Variants in GLG1 observed in about 807,000 individuals in gnomAD.
The protein encoded by GLG1 is Golgi apparatus protein 1.
In GLG1, 38 loss-of-function variants were observed where a neutral mutation model predicts 160.5. That is an observed-to-expected ratio of 0.24 (90% CI 0.18 to 0.31). The LOEUF is 0.31. Ranked by LOEUF, GLG1 falls within the 10% of genes least tolerant of loss-of-function variation. The probability of loss-of-function intolerance (pLI) is 1.00; values close to 1 mark genes in which losing one functional copy is unlikely to be tolerated. For synonymous variants in GLG1, 644 were observed against 543.4 expected, an observed-to-expected ratio of 1.19 and a Z score of -2.57; for missense variants, 1,373 against 1,505.2, an observed-to-expected ratio of 0.91 and a Z score of 1.45.
chr16:74,537,159 A>G (rs1252406798), intron 1 of GLG1, among the ~76,000 whole-genome samples: 1 of 152,220 alleles, frequency 6.6e-6, no homozygotes, highest in Non-Finnish European at 1.5e-5. Flanking sequence ...AAACTATTAT[A>G]AACAGAAGAA....
chr16:74,532,193 A>AAT (rs60422817), intron 1 of GLG1, 40 bp from the exon 2 acceptor site: 6 of 324,992 alleles, frequency 1.8e-5, no homozygotes, highest in African/African-American at 1.4e-4. Flanking sequence ...TAAAAAAAAA[A>AAT]ATATATATAT....
Position 74,508,201 on chromosome 16 carries a change from G to A in GLG1, c.558+638C>T, listed in dbSNP as rs142516691. On this transcript the variant is annotated intron_variant, in intron 3 of 25. Coordinates refer to ENST00000422840, the MANE Select transcript of GLG1 (RefSeq NM_001145667.2). ...CCAGCTTGAGGACAATTAGTATGGT[G>A]TGAGATCTATGACTGTTAATTCTGG... Among the ~76,000 whole-genome samples, 8 of 151,658 alleles carry A rather than the reference G, an allele frequency of 5.3e-5. No individual in the cohort carries two copies. The East Asian group carries it at 5.8e-4, about 11-fold the overall frequency.
intron 9 of GLG1, among the ~76,000 whole-genome samples, chr16:74,484,655 G>A (rs2015727127): frequency 6.6e-6 from 1 of 152,158 alleles, no homozygotes; most frequent in East Asian, 1.9e-4. Flanking sequence ...CAGCTACTCG[G>A]GAGGCTGAGC....
intron 1 of GLG1, among the ~76,000 whole-genome samples, chr16:74,534,915 G>C (rs1367236214): frequency 6.6e-6 from 1 of 152,084 alleles, no homozygotes; most frequent in Non-Finnish European, 1.5e-5. Flanking sequence ...ATATAATATA[G>C]GCCACTGACA....
At chr16:74,482,934 T>A in intron 10 of GLG1, 89 bp downstream of exon 10, 1 of 780,920 alleles carries the variant, frequency 1.3e-6, no homozygotes. Flanking sequence ...AAGAGTTTCC[T>A]ACTGATTATT....
At position 74,452,140 on chromosome 16, in the gene GLG1, T is replaced by A; in HGVS notation, c.*1027A>T. On this transcript the variant is annotated 3_prime_UTR_variant, in exon 26 of 26. Transcript: ENST00000422840. Reference sequence around the variant, plus strand: ...CTGACCTGTATTGTAGCCTGAAAAATAAAGCAAAGTGAGTCAAACCTCTGG... The same window carrying A: ...CTGACCTGTATTGTAGCCTGAAAAAAAAAGCAAAGTGAGTCAAACCTCTGG... 6.2e-7 allele frequency: 1 copy of A among 1,613,738 alleles called. No homozygotes were observed. Among genetic ancestry groups the A allele is most frequent in the Non-Finnish European group, 8.5e-7 (1 of 1,179,802 alleles).
intron 1 of GLG1, among the ~76,000 whole-genome samples, chr16:74,595,520 G>C (rs1415509799): frequency 6.6e-6 from 1 of 152,234 alleles, no homozygotes; most frequent in Non-Finnish European, 1.5e-5. Context: ...CTGGGCGACA[G>C]AGCAAGACTC....
Position 74,458,110 on chromosome 16 carries a change from G to A in GLG1, c.3145-116C>T, listed in dbSNP as rs570131099. The A allele has an allele frequency of 9.0e-5, 90 of 999,316 alleles. 1 individual carries two copies. The South Asian group carries it at 1.3e-3, about 14-fold the overall frequency. 61.9% of individuals were successfully genotyped at this position (999,316 alleles called of 1,614,324 possible). ...GGGGGGAAGTTGAGGGCTAACAACAGAGACCACTTTGGGACAGGTTGCAAG... is the reference window on the plus strand; with the variant it reads ...GGGGGGAAGTTGAGGGCTAACAACAAAGACCACTTTGGGACAGGTTGCAAG... On this transcript the variant is annotated intron_variant, in intron 23 of 25. Transcript: ENST00000422840.
chr16:74,495,262 C>T (rs1260543535), intron 5 of GLG1, among the ~76,000 whole-genome samples: 4 of 151,964 alleles, frequency 2.6e-5, no homozygotes, highest in African/African-American at 9.7e-5. Context: ...TACAGGCCCC[C>T]GCCACCCTGC....
chr16:74,475,130 C>G (rs2015350905), intron 12 of GLG1, among the ~76,000 whole-genome samples: 2 of 143,018 alleles, frequency 1.4e-5, no homozygotes, highest in Admixed American at 1.5e-4. Context: ...GCACTGCAGC[C>G]TGGGCAACAA....
chr16:74,506,382 T>C (rs1305515296), intron 3 of GLG1, among the ~76,000 whole-genome samples: 2 of 150,688 alleles, frequency 1.3e-5, no homozygotes, highest in Non-Finnish European at 3.0e-5. Flanking sequence ...ACTGAGACCA[T>C]CCTGGCTAAC....
intron 1 of GLG1, among the ~76,000 whole-genome samples, chr16:74,544,054 C>A (rs149634684): frequency 0.014 from 2,093 of 152,272 alleles, 33 homozygotes; most frequent in Non-Finnish European, 0.018. Context: ...AGAACAGATG[C>A]AGATCCTTTT....
chr16:74,451,885 A>G lies in GLG1; in HGVS notation c.*1282T>C. On this transcript the variant is annotated 3_prime_UTR_variant, in exon 26 of 26. Coordinates refer to ENST00000422840, the MANE Select transcript of GLG1 (RefSeq NM_001145667.2). ...TTCTGCAAAGGTTGATGAATCGCCA[A>G]AATACAACATTTAGCCAATGCCTAC... 1 of 596,060 alleles carries G rather than the reference A, an allele frequency of 1.7e-6. No homozygotes were observed. Among genetic ancestry groups the G allele is most frequent in the Non-Finnish European group, 3.0e-6 (1 of 330,164 alleles). 36.9% of individuals were successfully genotyped at this position (596,060 alleles called of 1,614,324 possible). A position where few individuals can be genotyped will look rare whatever the true frequency, so the allele number is the denominator to read the frequency against.
At chr16:74,597,538 G>A (rs1346296537) in intron 1 of GLG1, among the ~76,000 whole-genome samples, 1 of 151,298 alleles carries the variant, frequency 6.6e-6, no homozygotes, top group Non-Finnish European at 1.5e-5. Flanking sequence ...AGCCAACATG[G>A]CGAAATCCTG....
chr16:74,481,956 T>C (rs1170985115), intron 10 of GLG1, among the ~76,000 whole-genome samples: 1 of 152,060 alleles, frequency 6.6e-6, no homozygotes. Context: ...CCGGCTAATT[T>C]TTTTTGTATT....
intron 4 of GLG1, among the ~76,000 whole-genome samples, chr16:74,502,638 G>T (rs1410140935): frequency 6.6e-6 from 1 of 151,560 alleles, no homozygotes; most frequent in Admixed American, 6.6e-5. Flanking sequence ...CCACTTCCTG[G>T]GTTCATGCCT....
intron 1 of GLG1, among the ~76,000 whole-genome samples, chr16:74,600,237 G>C (rs894591872): frequency 1.6e-4 from 25 of 151,832 alleles, no homozygotes; most frequent in African/African-American, 5.3e-4. Context: ...GTATATTTCC[G>C]CTTAGAACAA....
chr16:74,503,617 C>T lies in GLG1; in HGVS notation c.688G>A (p.Asp230Asn). 6.2e-7 allele frequency: 1 copy of T among 1,613,668 alleles called. No individual in the cohort carries two copies. Among genetic ancestry groups the T allele is most frequent in the Non-Finnish European group, 8.5e-7 (1 of 1,179,588 alleles). ...ITKMTAIIFS[D>N]YRLICGFMDD... ...ATGAAGCCACAGATTAAACGGTAAT[C>T]ACTAAAAATGATGGCCGTCATCTTG... The change falls in exon 4 of 26, where the codon GAT becomes AAT. Residue 230 changes from aspartate (D) to asparagine (N), a missense_variant. Physicochemically the swap from Asp to Asn is conservative, Grantham distance 23 (BLOSUM62 1). Transcript: ENST00000422840.
intron 5 of GLG1, 48 bp from the exon 6 acceptor site, chr16:74,494,879 T>C (rs2016130116): frequency 2.2e-6 from 2 of 898,382 alleles, no homozygotes; most frequent in Non-Finnish European, 1.9e-6. Flanking sequence ...TAAATAGTTA[T>C]GCTGAACATT....
Sources: allele counts gnomAD v4.1 joint callset (sites outside exome capture counted in the v4.1 genomes callset), GRCh38; gene constraint gnomAD v4.1.1; transcripts MANE v1.5; gene names NCBI Gene and HGNC (gene_info 2026-07-23, HGNC 2026-07-21).